VWA3B: variants seen among roughly 807,000 people sequenced by gnomAD.
VWA3B encodes von Willebrand factor A domain containing 3B.
A neutral mutation model predicts 158.3 loss-of-function variants in VWA3B; 138 were observed. That is an observed-to-expected ratio of 0.87 (90% CI 0.76 to 1.00). The LOEUF (loss-of-function observed/expected upper bound fraction) is 1.00. Among genes scored for constraint, VWA3B ranks in the 50% least tolerant of loss-of-function variants. The pLI is 0.00. For synonymous variants in VWA3B, 596 were observed against 587.3 expected, an observed-to-expected ratio of 1.01 and a Z score of -0.21; for missense variants, 1,555 against 1,565.1, an observed-to-expected ratio of 0.99 and a Z score of 0.11.
At chr2:98,157,691 A>G (rs1678199603) in intron 7 of VWA3B, among the ~76,000 whole-genome samples, 1 of 152,210 alleles carries the variant, frequency 6.6e-6, no homozygotes, top group Admixed American at 6.5e-5. Flanking sequence ...AATCTGCATG[A>G]CTGAATAGGA....
rs189618802 is a variant in VWA3B at position 98,215,640 on chromosome 2, C to A, written c.1837-2206C>A. 2.7e-3 allele frequency among the ~76,000 whole-genome samples: 410 copies of A among 149,958 alleles called. 3 individuals carry two copies. The highest frequency in any genetic ancestry group is 9.3e-3 in the African/African-American group (378 of 40,792). The stretch of plus-strand genomic sequence containing the variant: ...TCACGCCATTCTCCTGCCTCAGCCT[C>A]CCCAGCAGCTGGGACTACAGGCTCA... On this transcript the variant is annotated intron_variant, in intron 13 of 27. Coordinates refer to ENST00000477737, the MANE Select transcript of VWA3B (RefSeq NM_144992.5).
At chr2:98,286,015 A>G (rs1270017731) in intron 22 of VWA3B, among the ~76,000 whole-genome samples, 2 of 152,052 alleles carry the variant, frequency 1.3e-5, no homozygotes, top group Non-Finnish European at 2.9e-5. Context: ...TTATTCCTAA[A>G]TATATTCTTT....
chr2:98,279,304 G>A (rs1688731100), intron 22 of VWA3B, among the ~76,000 whole-genome samples: 1 of 152,210 alleles, frequency 6.6e-6, no homozygotes, highest in Non-Finnish European at 1.5e-5. Flanking sequence ...GGGGATCCCT[G>A]AGGTGACAAA....
At chr2:98,253,584 G>A (rs1417995239) in intron 20 of VWA3B, among the ~76,000 whole-genome samples, 3 of 152,150 alleles carry the variant, frequency 2.0e-5, no homozygotes, top group Non-Finnish European at 2.9e-5. Context: ...GATCACAGAA[G>A]CAGTATCCGT....
intron 19 of VWA3B, among the ~76,000 whole-genome samples, chr2:98,239,871 G>A (rs544896031): frequency 4.0e-5 from 6 of 150,898 alleles, no homozygotes; most frequent in East Asian, 1.9e-4. Flanking sequence ...CTGAGATCAC[G>A]CTACTGCACC....
chr2:98,254,754 AAGG>A (rs980919897), intron 20 of VWA3B, among the ~76,000 whole-genome samples: 1 of 152,178 alleles, frequency 6.6e-6, no homozygotes, highest in Non-Finnish European at 1.5e-5. Context: ...TCACGGCAAG[AAGG>A]AGAAGAAGCC....
chr2:98,233,141 A>G (rs1685449431), intron 16 of VWA3B, among the ~76,000 whole-genome samples: 1 of 152,176 alleles, frequency 6.6e-6, no homozygotes. Context: ...GAGTTTTGCC[A>G]GAGTTGCTAC....
chr2:98,140,805 T>A (rs1349302056), intron 7 of VWA3B, among the ~76,000 whole-genome samples: 1 of 152,188 alleles, frequency 6.6e-6, no homozygotes, highest in African/African-American at 2.4e-5. Flanking sequence ...ATCTTACCCA[T>A]AAGCAAAATA....
intron 17 of VWA3B, among the ~76,000 whole-genome samples, chr2:98,235,494 C>T (rs1436642560): frequency 2.0e-5 from 3 of 151,294 alleles, no homozygotes; most frequent in Non-Finnish European, 2.9e-5. Context: ...GGCGTGATCT[C>T]GGCTCACTGC....
In VWA3B at chr2:98,308,331, C is replaced by G. The variant is rs184521843; in HGVS notation, c.3522-3488C>G. On this transcript the variant is annotated intron_variant, in intron 26 of 27. Transcript: ENST00000477737. ...CAGTGTGTCCGATGGAGGGAAATAA[C>G]TGCTCTTCCCTTCCCTTCCGTTCAG... Among the ~76,000 whole-genome samples the G allele has an allele frequency of 2.6e-5, 4 of 152,330 alleles. No individual in the cohort carries two copies. The East Asian group carries it at 7.7e-4, about 29-fold the overall frequency.
At chr2:98,115,796 C>T in intron 3 of VWA3B, 50 bp downstream of exon 3, 1 of 1,470,378 alleles carries the variant, frequency 6.8e-7, no homozygotes, top group Non-Finnish European at 9.5e-7. Flanking sequence ...GTGCTGACAT[C>T]ACATCGGAGA....
At chr2:98,215,344 G>A (rs2105579500) in intron 13 of VWA3B, among the ~76,000 whole-genome samples, 1 of 150,486 alleles carries the variant, frequency 6.6e-6, no homozygotes, top group Non-Finnish European at 1.5e-5. Context: ...GGGAGGCTGA[G>A]GCAGAAGAAT....
chr2:98,190,187 G>C (rs1681454949), intron 10 of VWA3B, among the ~76,000 whole-genome samples: 1 of 151,742 alleles, frequency 6.6e-6, no homozygotes, highest in African/African-American at 2.4e-5. Flanking sequence ...TGTCTTATTA[G>C]CTCTACCTCT....
Position 98,234,723 on chromosome 2 carries a change from G to A in VWA3B, c.2384G>A (p.Gly795Asp). 6.2e-7 allele frequency: 1 copy of A among 1,614,132 alleles called. No homozygotes were observed. The highest frequency in any genetic ancestry group is 8.5e-7 in the Non-Finnish European group (1 of 1,180,016). Residue 795 changes from glycine (G) to aspartate (D), a missense_variant, in exon 17 of 28, where the codon GGC becomes GAC. Gly to Asp is a moderately conservative substitution (Grantham distance 94). Coordinates refer to ENST00000477737, the MANE Select transcript of VWA3B (RefSeq NM_144992.5). Reference protein sequence around the residue: ...RSSACSERKDGLSNASSRRTA... With the variant: ...RSSACSERKDDLSNASSRRTA... ...TCAGCTTGCAGTGAAAGGAAGGATG[G>A]CCTCTCCAATGCCAGCAGCCGGAGG...
chr2:98,198,134 A>T (rs566404666), intron 12 of VWA3B, among the ~76,000 whole-genome samples: 6 of 152,108 alleles, frequency 3.9e-5, no homozygotes, highest in Non-Finnish European at 1.5e-5. Flanking sequence ...CAAACAAATC[A>T]TGCGTTCATA....
chr2:98,126,484 A>G (rs549295644), intron 5 of VWA3B, among the ~76,000 whole-genome samples: 3 of 152,194 alleles, frequency 2.0e-5, no homozygotes, highest in African/African-American at 7.2e-5. Context: ...GCACTGCCGC[A>G]GCTGGAAAAC....
intron 7 of VWA3B, among the ~76,000 whole-genome samples, chr2:98,156,018 G>A (rs1456057722): frequency 6.6e-6 from 1 of 152,168 alleles, no homozygotes; most frequent in Non-Finnish European, 1.5e-5. Flanking sequence ...AGCTCCCTGG[G>A]GTTCCACCCT....
At position 98,121,440 on chromosome 2, in the gene VWA3B, A is replaced by G; in HGVS notation, c.684A>G (p.Glu228=). 6.2e-7 allele frequency: 1 copy of G among 1,614,054 alleles called. No homozygotes were observed. Among genetic ancestry groups the G allele is most frequent in the Non-Finnish European group, 8.5e-7 (1 of 1,180,026 alleles). ...SEAGRLDALL[E]AGRDKTIESI... is the part of the protein sequence containing the mutation. ...CTGGCCGCCTGGATGCTCTGCTGGA[A>G]GCCGGGAGAGACAAGACTGTAAGTG... Residue 228 remains glutamate (E), a synonymous_variant, in exon 5 of 28, where the codon GAA becomes GAG. Coordinates refer to ENST00000477737, the MANE Select transcript of VWA3B (RefSeq NM_144992.5).
chr2:98,324,202 A>T, the VWA3B span, among the ~76,000 whole-genome samples: 7 of 151,560 alleles, frequency 4.6e-5, no homozygotes, highest in Non-Finnish European at 8.8e-5. Flanking sequence ...TTGCTCTGTC[A>T]CGTAGGTTGG....
Sources: allele counts gnomAD v4.1 joint callset (sites outside exome capture counted in the v4.1 genomes callset), GRCh38; gene constraint gnomAD v4.1.1; transcripts MANE v1.5; gene names NCBI Gene and HGNC (gene_info 2026-07-23, HGNC 2026-07-21).